Variants in CFAP47 observed in about 807,000 individuals in gnomAD.
CFAP47 encodes cilia and flagella associated protein 47.
Under a neutral mutation model 148.1 loss-of-function variants are expected in CFAP47, and 29 were observed. That is an observed-to-expected ratio of 0.20 (90% confidence interval 0.15 to 0.27). The LOEUF (loss-of-function observed/expected upper bound fraction) is 0.27, where lower values mean the gene tolerates loss of function less well. CFAP47 is among the 10% of genes least tolerant of loss of function. The pLI is 1.00. For missense variants in CFAP47, 1,872 were observed against 1,697.5 expected (o/e 1.10, Z -1.81); for synonymous variants, 664 against 577.3 (o/e 1.15, Z -2.15).
chrX:36,185,191 C>A (rs145733345), intron 40 of CFAP47, among the ~76,000 whole-genome samples: 1 of 110,574 alleles, frequency 9.0e-6, no homozygotes, highest in African/African-American at 3.3e-5. Context: ...ATTCCTGGTT[C>A]ATAGAAGACA....
chrX:36,002,578 G>A (rs372731435), intron 21 of CFAP47, among the ~76,000 whole-genome samples: 6 of 110,933 alleles, frequency 5.4e-5, no homozygotes, highest in South Asian at 3.8e-4. Flanking sequence ...GCGAGATTTC[G>A]TCTCAAAAAA....
chrX:36,158,906 A>G (rs184333711), intron 37 of CFAP47, among the ~76,000 whole-genome samples: 84 of 111,631 alleles, frequency 7.5e-4, no homozygotes, highest in Non-Finnish European at 1.4e-3. Context: ...CCATTATACT[A>G]TGTCTTAGAC....
At chrX:36,039,292 T>G in intron 25 of CFAP47, 113 bp downstream of exon 25, 2 of 357,576 alleles carry the variant, frequency 5.6e-6, no homozygotes, top group Non-Finnish European at 9.2e-6. Context: ...AAAGAACTAT[T>G]AAAATATTTA....
At chrX:36,042,931 A>T (rs1313973087) in intron 25 of CFAP47, among the ~76,000 whole-genome samples, 1 of 111,900 alleles carries the variant, frequency 8.9e-6, no homozygotes, top group Non-Finnish European at 1.9e-5. Context: ...CCAATATGAT[A>T]GTGGTACAGG....
intron 10 of CFAP47, among the ~76,000 whole-genome samples, chrX:35,969,676 G>A (rs1936460234): frequency 9.0e-6 from 1 of 111,039 alleles, no homozygotes; most frequent in African/African-American, 3.3e-5. Context: ...ATATATGTAG[G>A]AATTATTTCT....
In CFAP47 at chrX:35,919,841, AGGTTCCCTCGCCATGAGCATCCAAAGG is replaced by A. The variant is rs778670220; in HGVS notation, c.53_79del (p.Ala18_Leu26del). The A allele has an allele frequency of 5.8e-6, 7 of 1,208,766 alleles. No homozygotes were observed. In the South Asian group the frequency reaches 1.2e-4, roughly 21 times the overall value. ...GTTCCCTCACCATAAACGTCCACAGAGGTTCCCTCGCCATGAGCATCCAAAGGGGTTCCCTCGTCCCCCGGGATATGG... is the reference window on the plus strand; with the variant it reads ...GTTCCCTCACCATAAACGTCCACAGAGGTTCCCTCGTCCCCCGGGATATGG... On this transcript the variant is annotated inframe_deletion, in exon 1 of 64. Coordinates refer to ENST00000378653, the MANE Select transcript of CFAP47 (RefSeq NM_001304548.2).
At chrX:36,033,065 C>G (rs1267580420) in intron 23 of CFAP47, among the ~76,000 whole-genome samples, 1 of 111,840 alleles carries the variant, frequency 8.9e-6, no homozygotes, top group South Asian at 3.7e-4. Context: ...CCTGCTAACA[C>G]GTTGATCTTA....
At chrX:35,978,290 A>C (rs2146672262) in intron 15 of CFAP47, among the ~76,000 whole-genome samples, 1 of 111,614 alleles carries the variant, frequency 9.0e-6, no homozygotes, top group African/African-American at 3.2e-5. Context: ...TCTATATTCT[A>C]ACTAGGGAGG....
At chrX:35,924,702 C>T (rs753437692) in intron 1 of CFAP47, among the ~76,000 whole-genome samples, 2 of 110,393 alleles carry the variant, frequency 1.8e-5, no homozygotes, top group African/African-American at 3.3e-5. Flanking sequence ...ATAGAAGCCA[C>T]GTTAGTTCTA....
At chrX:35,989,076 A>T (rs1240335956) in intron 15 of CFAP47, among the ~76,000 whole-genome samples, 1 of 111,884 alleles carries the variant, frequency 8.9e-6, no homozygotes, top group Non-Finnish European at 1.9e-5. Context: ...ATATTTTTTC[A>T]TATATTTTAT....
chrX:35,923,935 A>G (rs866252391), intron 1 of CFAP47, among the ~76,000 whole-genome samples: 1 of 67,329 alleles, frequency 1.5e-5, no homozygotes, highest in East Asian at 4.5e-4. Flanking sequence ...ATATATGTGT[A>G]TATATGTACA....
intron 57 of CFAP47, among the ~76,000 whole-genome samples, chrX:36,345,098 A>G (rs1941686078): frequency 8.9e-6 from 1 of 112,240 alleles, no homozygotes; most frequent in Admixed American, 9.5e-5. Flanking sequence ...TCTTGCAAAT[A>G]TCTCTGTGTA....
chrX:36,246,365 C>T (rs1412942315), intron 48 of CFAP47, among the ~76,000 whole-genome samples: 5 of 111,661 alleles, frequency 4.5e-5, no homozygotes, highest in Non-Finnish European at 9.4e-5. Flanking sequence ...AATGGCATAC[C>T]GTCTGTATTA....
intron 36 of CFAP47, among the ~76,000 whole-genome samples, chrX:36,145,858 G>A (rs1249503665): frequency 9.5e-6 from 1 of 105,307 alleles, no homozygotes; most frequent in Non-Finnish European, 1.9e-5. Context: ...CAGTTGATAA[G>A]GATTTAGTTA....
intron 22 of CFAP47, among the ~76,000 whole-genome samples, chrX:36,019,541 C>T (rs536669141): frequency 8.3e-4 from 93 of 111,745 alleles, no homozygotes; most frequent in African/African-American, 2.9e-3. Context: ...TGCCTTCAGC[C>T]AAGCAATGTG....
chrX:35,987,956 C>T (rs1278825157), intron 15 of CFAP47, among the ~76,000 whole-genome samples: 2 of 111,084 alleles, frequency 1.8e-5, no homozygotes, highest in African/African-American at 6.6e-5. Flanking sequence ...TAACCAGTCC[C>T]AATGAGATGA....
chrX:36,054,143 C>T (rs1329369695), intron 26 of CFAP47, among the ~76,000 whole-genome samples: 1 of 112,018 alleles, frequency 8.9e-6, no homozygotes, highest in Admixed American at 9.5e-5. Context: ...AAGGTGGATG[C>T]CCATGCAGTC....
intron 33 of CFAP47, among the ~76,000 whole-genome samples, chrX:36,121,475 G>T (rs1374230951): frequency 1.8e-5 from 2 of 110,353 alleles, no homozygotes; most frequent in Non-Finnish European, 3.8e-5. Context: ...CTTAGCGAGG[G>T]TGATTTTCTC....
At chrX:36,050,783 C>G (rs191073765) in intron 26 of CFAP47, among the ~76,000 whole-genome samples, 2 of 111,838 alleles carry the variant, frequency 1.8e-5, no homozygotes, top group Non-Finnish European at 3.8e-5. Context: ...TCACAGCAGC[C>G]CTCCCATCAC....
Sources: allele counts gnomAD v4.1 joint callset (sites outside exome capture counted in the v4.1 genomes callset), GRCh38; gene constraint gnomAD v4.1.1; transcripts MANE v1.5; gene names NCBI Gene and HGNC (gene_info 2026-07-23, HGNC 2026-07-21).